GPSM2: variants seen among roughly 807,000 people sequenced by gnomAD.
The protein encoded by GPSM2 is G protein-signaling modulator 2.
GPSM2 carries 58 observed loss-of-function variants against 78.4 expected under a neutral mutation model. The observed-to-expected ratio is 0.74, with a 90% CI of 0.60 to 0.92. GPSM2 has a LOEUF of 0.92. GPSM2 is among the 40% of genes least tolerant of loss of function. GPSM2 has a pLI of 0.00. For missense variants in GPSM2, 700 were observed against 815.5 expected (o/e 0.86, Z 1.73); for synonymous variants, 224 against 280.2 (o/e 0.80, Z 2.00).
rs1451457916 is a variant in GPSM2, at chr1:108,877,047, C to G, written c.-430C>G. On this transcript the variant is annotated 5_prime_UTR_variant, in exon 1 of 15. Coordinates refer to ENST00000264126, the MANE Select transcript of GPSM2 (RefSeq NM_013296.5). ...GACCCCTAGGTGGCGGAGGGACGCTCCGGGAAAGCGAGGGGCGCTACGAGC... is the reference window on the plus strand; with the variant it reads ...GACCCCTAGGTGGCGGAGGGACGCTGCGGGAAAGCGAGGGGCGCTACGAGC... 1.3e-5 allele frequency: 2 copies of G among 152,296 alleles called. No individual in the cohort carries two copies. Among genetic ancestry groups the G allele is most frequent in the East Asian group, 3.8e-4 (2 of 5,204 alleles). The allele number at this position is 152,296 out of a possible 1,614,324, so 9.4% of individuals were successfully genotyped here.
rs1214616907 is a variant in GPSM2, at chr1:108,904,445, TA to T, written c.1192+193del. Among the ~76,000 whole-genome samples the T allele has an allele frequency of 2.7e-5, 4 of 148,314 alleles. No homozygotes were observed. The Admixed American group carries it at 2.7e-4, about 10-fold the overall frequency. ...ATATATTTTGTATATAATATATATA[TA>T]ATTATAATATATAATTTATAAGTGT... On this transcript the variant is annotated intron_variant, in intron 10 of 14. Coordinates refer to ENST00000264126, the MANE Select transcript of GPSM2 (RefSeq NM_013296.5).
At chr1:108,895,902 T>C (rs903824879) in intron 2 of GPSM2, among the ~76,000 whole-genome samples, 4 of 152,196 alleles carry the variant, frequency 2.6e-5, no homozygotes, top group Non-Finnish European at 5.9e-5. Flanking sequence ...AAGTATCGTA[T>C]CAAATTCACA....
At chr1:108,877,633 T>C in intron 1 of GPSM2, 1 of 152,138 alleles carries the variant, frequency 6.6e-6, no homozygotes, top group East Asian at 1.9e-4. Context: ...CCGAGGCTGA[T>C]TGCAATCACT....
At chr1:108,883,730 G>A (rs1436925420) in intron 1 of GPSM2, among the ~76,000 whole-genome samples, 1 of 152,062 alleles carries the variant, frequency 6.6e-6, no homozygotes, top group Non-Finnish European at 1.5e-5. Context: ...AATATTCTCA[G>A]TCTTTATCAC....
intron 8 of GPSM2, among the ~76,000 whole-genome samples, chr1:108,902,532 T>A (rs1648904530): frequency 6.6e-6 from 1 of 152,244 alleles, no homozygotes; most frequent in South Asian, 2.1e-4. Flanking sequence ...CACATCTTCC[T>A]GTTTTTTAAA....
intron 2 of GPSM2, among the ~76,000 whole-genome samples, chr1:108,896,294 A>T (rs1648361998): frequency 6.6e-6 from 1 of 152,082 alleles, no homozygotes; most frequent in Non-Finnish European, 1.5e-5. Context: ...GATCAAGAAT[A>T]TTTTGTTCCT....
intron 10 of GPSM2, chr1:108,909,900 T>G (rs1372993911): frequency 1.2e-4 from 8 of 65,116 alleles, no homozygotes; most frequent in African/African-American, 5.7e-4. Context: ...AGACGCCATC[T>G]CCAAAAAAAA....
In GPSM2 at chr1:108,898,677, G is replaced by C; in HGVS notation, c.593G>C (p.Arg198Pro). The C allele has an allele frequency of 1.2e-6, 2 of 1,613,526 alleles. No homozygotes were observed. Among genetic ancestry groups the C allele is most frequent in the Non-Finnish European group, 1.7e-6 (2 of 1,179,578 alleles). The change falls in exon 6 of 15, where the codon CGA (arginine) becomes CCA (proline). Residue 198 changes from arginine to proline, a missense_variant. By Grantham distance (103) the Arg-to-Pro change is moderately radical. Coordinates refer to ENST00000264126, the MANE Select transcript of GPSM2 (RefSeq NM_013296.5). ...TCATTAGTGACTGCTTTGGGTGACC[G>C]AGCGGCACAAGGACGTGCCTTTGGA... ...NLSLVTALGD[R>P]AAQGRAFGNL...
intron 8 of GPSM2, 139 bp downstream of exon 8, chr1:108,902,084 T>G: frequency 1.5e-6 from 1 of 647,946 alleles, no homozygotes; most frequent in Non-Finnish European, 2.8e-6. Context: ...ATATCCTCTG[T>G]ATATCATTGT....
At chr1:108,902,660 G>C (rs1648909899) in intron 8 of GPSM2, among the ~76,000 whole-genome samples, 1 of 152,128 alleles carries the variant, frequency 6.6e-6, no homozygotes, top group South Asian at 2.1e-4. Context: ...AGTCTGTGAT[G>C]TTTGCTTTAG....
rs1395855481 is a variant in GPSM2, at chr1:108,931,643, AGTTC to A, written c.*1704_*1707del. Reference sequence around the variant, plus strand: ...AGTGCTCAGCTAAAAAAAAAAAAAAAGTTCTAAATTACAACCTGGATTACATTAT... The same window carrying A: ...AGTGCTCAGCTAAAAAAAAAAAAAAATAAATTACAACCTGGATTACATTAT... On this transcript the variant is annotated 3_prime_UTR_variant, in exon 15 of 15. Coordinates refer to ENST00000264126, the MANE Select transcript of GPSM2 (RefSeq NM_013296.5). 19 of 978,724 alleles carry A rather than the reference AGTTC, an allele frequency of 1.9e-5. No homozygotes were observed. The highest frequency in any genetic ancestry group is 2.3e-5 in the Non-Finnish European group (16 of 701,698). The allele number at this position is 978,724 out of a possible 1,614,324, so 60.6% of individuals were successfully genotyped here. A position where few individuals can be genotyped will look rare whatever the true frequency, so the allele number is the denominator to read the frequency against.
At chr1:108,907,855 T>G (rs1447827101) in intron 10 of GPSM2, among the ~76,000 whole-genome samples, 1 of 152,220 alleles carries the variant, frequency 6.6e-6, no homozygotes, top group Admixed American at 6.5e-5. Flanking sequence ...GCTTAGTCAC[T>G]CTGGCTCCAG....
chr1:108,924,694 C>T (rs1291402880), intron 14 of GPSM2, among the ~76,000 whole-genome samples: 1 of 152,120 alleles, frequency 6.6e-6, no homozygotes, highest in Non-Finnish European at 1.5e-5. Context: ...GACAGCAAGT[C>T]CCCTCTTGGA....
rs1650067891 is a variant in GPSM2, at chr1:108,914,978, A to G, written c.1263+570A>G. Reference sequence around the variant, plus strand: ...GCTTTTTCTTGCAGGAGAGGGGTGCACAGTAAAAGGGAAGGGACTTCATAA... The same window carrying G: ...GCTTTTTCTTGCAGGAGAGGGGTGCGCAGTAAAAGGGAAGGGACTTCATAA... On this transcript the variant is annotated intron_variant, in intron 11 of 14. Coordinates refer to ENST00000264126, the MANE Select transcript of GPSM2 (RefSeq NM_013296.5). Among the ~76,000 whole-genome samples the G allele has an allele frequency of 1.3e-5, 2 of 152,140 alleles. 1 individual carries two copies. Among genetic ancestry groups the G allele is most frequent in the South Asian group, 4.1e-4 (2 of 4,836 alleles).
rs373692936 is a variant in GPSM2, at chr1:108,897,529, G to T, written c.316G>T (p.Gly106Cys). Residue 106 changes from glycine to cysteine, a missense_variant, in exon 4 of 15, where the codon GGT becomes TGT. By Grantham distance (159) the Gly-to-Cys change is radical. Coordinates refer to ENST00000264126, the MANE Select transcript of GPSM2 (RefSeq NM_013296.5). ...GDQLGEAKAS[G>C]NLGNTLKVLG... ...CCAGCTGGGGGAAGCGAAAGCTAGT[G>T]GTAATCTGGGAAACACCTTAAAAGT... 3.2e-5 allele frequency: 51 copies of T among 1,613,218 alleles called. No individual in the cohort carries two copies. The highest frequency in any genetic ancestry group is 4.3e-5 in the Non-Finnish European group (51 of 1,179,720).
intron 11 of GPSM2, among the ~76,000 whole-genome samples, chr1:108,915,368 CAAAA>C (rs778325980): frequency 2.2e-4 from 20 of 91,174 alleles, no homozygotes; most frequent in African/African-American, 4.3e-4. Flanking sequence ...AGACTTGTCT[CAAAA>C]AAAAAAAAAA....
rs1173611695 is a variant in GPSM2 at position 108,930,285 on chromosome 1, A to C, written c.*345A>C. The C allele has an allele frequency of 4.9e-6, 1 of 202,614 alleles. No individual in the cohort carries two copies. The highest frequency in any genetic ancestry group is 1.0e-5 in the Non-Finnish European group (1 of 100,008). The allele number at this position is 202,614 out of a possible 1,614,324, so 12.6% of individuals were successfully genotyped here. A position where few individuals can be genotyped will look rare whatever the true frequency, so the allele number is the denominator to read the frequency against. ...TATGGAAATAATTTTTTAACATCTTAATTGACAATGGCGTTTTTTTATACA... is the reference window on the plus strand; with the variant it reads ...TATGGAAATAATTTTTTAACATCTTCATTGACAATGGCGTTTTTTTATACA... On this transcript the variant is annotated 3_prime_UTR_variant, in exon 15 of 15. Coordinates refer to ENST00000264126, the MANE Select transcript of GPSM2 (RefSeq NM_013296.5).
chr1:108,895,257 C>G (rs1018968487), intron 2 of GPSM2, among the ~76,000 whole-genome samples: 3 of 152,156 alleles, frequency 2.0e-5, no homozygotes, highest in African/African-American at 7.2e-5. Context: ...TGGAGTGGCT[C>G]AAAGCTCATT....
At chr1:108,904,314 T>C in intron 10 of GPSM2, 60 bp downstream of exon 10, 1 of 1,097,312 alleles carries the variant, frequency 9.1e-7, no homozygotes, top group Non-Finnish European at 1.4e-6. Flanking sequence ...ATTAAAGTTA[T>C]TTATCACAAA....
Sources: gnomAD v4.1 joint callset for allele counts (sites outside exome capture counted in the v4.1 genomes callset) on GRCh38, gnomAD v4.1.1 for gene constraint, MANE v1.5 for transcripts, NCBI Gene and HGNC (gene_info 2026-07-23, HGNC 2026-07-21) for gene names.